COL6A6: variants seen among roughly 807,000 people sequenced by gnomAD.
COL6A6 encodes collagen alpha-6(VI) chain.
Under a neutral mutation model 208.6 loss-of-function variants are expected in COL6A6, and 183 were observed. That is an observed-to-expected ratio of 0.88 (90% CI 0.78 to 0.99). COL6A6 has a LOEUF of 0.99. Ranked by LOEUF, COL6A6 falls within the 50% of genes least tolerant of loss-of-function variation. COL6A6 has a pLI of 0.00. For synonymous variants in COL6A6, 973 were observed against 1,011.8 expected (o/e 0.96, Z 0.73); for missense variants, 2,816 against 2,815.2 (o/e 1.00, Z -0.01).
chr3:130,520,708 A>G (rs1239675462), intron 1 of COL6A6, among the ~76,000 whole-genome samples: 1 of 152,210 alleles, frequency 6.6e-6, no homozygotes, highest in Non-Finnish European at 1.5e-5. Flanking sequence ...GCAAAATCTC[A>G]GGGAAAATTC....
Position 130,627,351 on chromosome 3 carries a change from C to CCA in COL6A6, c.4974_4975insCA (p.Gly1659GlnfsTer33). ...ATGGCAGTCCAGGTTATGGTAGTGT[C>CCA]GGACGCAAGGGAGCAAAGGTAAGTC... On this transcript the variant is annotated frameshift_variant, in exon 26 of 37. Transcript: ENST00000358511. LOFTEE classifies it high-confidence loss of function. 6.2e-7 allele frequency: 1 copy of CCA among 1,613,574 alleles called. No individual in the cohort carries two copies. The highest frequency in any genetic ancestry group is 8.5e-7 in the Non-Finnish European group (1 of 1,179,602).
At chr3:130,588,713 G>A (rs1298975780) in intron 11 of COL6A6, among the ~76,000 whole-genome samples, 2 of 152,084 alleles carry the variant, frequency 1.3e-5, no homozygotes, top group Non-Finnish European at 2.9e-5. Context: ...CAAAATATTT[G>A]GGGCAGAAAT....
At chr3:130,525,412 A>G (rs768871049) in intron 1 of COL6A6, among the ~76,000 whole-genome samples, 1 of 152,252 alleles carries the variant, frequency 6.6e-6, no homozygotes, top group Non-Finnish European at 1.5e-5. Context: ...GAAGTCGCTC[A>G]GGGACTTGGA....
intron 36 of COL6A6, among the ~76,000 whole-genome samples, chr3:130,673,454 C>G (rs58964195): frequency 0.015 from 2,268 of 146,724 alleles, 81 homozygotes; most frequent in African/African-American, 0.054. Flanking sequence ...AAGGACCTAA[C>G]GGAAAAGGCG....
chr3:130,567,227 G>A lies in COL6A6; in HGVS notation c.1808G>A (p.Arg603Lys). 6.2e-7 allele frequency: 1 copy of A among 1,612,154 alleles called. No individual in the cohort carries two copies. The highest frequency in any genetic ancestry group is 1.1e-5 in the South Asian group (1 of 91,026). The change falls in exon 5 of 37, where the codon AGA becomes AAA. Residue 603 changes from arginine (R) to lysine (K), a missense_variant. Physicochemically the swap from Arg to Lys is conservative, Grantham distance 26. Coordinates refer to ENST00000358511, the MANE Select transcript of COL6A6 (RefSeq NM_001102608.3). Reference sequence around the variant, plus strand: ...GACTTTGATGCATTGAAAGACATAAGAAACCAAGTTGTTCAAGAAATCTGT... The same window carrying A: ...GACTTTGATGCATTGAAAGACATAAAAAACCAAGTTGTTCAAGAAATCTGT... The part of the protein sequence containing the change: ...VHDFDALKDI[R>K]NQVVQEICTE...
In COL6A6 at chr3:130,676,110, CTG is replaced by C. The variant is rs1190227477; in HGVS notation, c.*715_*716del. On this transcript the variant is annotated 3_prime_UTR_variant, in exon 37 of 37. Transcript: ENST00000358511. ...GCCCCCATTTTGATGGACTTCTAGT[CTG>C]TCTTTCCTGTTATGGTCATTTATTA... The C allele has an allele frequency of 1.3e-5, 2 of 152,198 alleles. No homozygotes were observed. The highest frequency in any genetic ancestry group is 4.8e-5 in the African/African-American group (2 of 41,448). The allele number at this position is 152,198 out of a possible 1,614,324, so 9.4% of individuals were successfully genotyped here.
At chr3:130,627,475 G>A (rs2064926090) in intron 26 of COL6A6, 106 bp downstream of exon 26, 2 of 896,524 alleles carry the variant, frequency 2.2e-6, no homozygotes, top group South Asian at 2.8e-5. Context: ...AGGCAATCTT[G>A]GACAGTTAGA....
intron 21 of COL6A6, among the ~76,000 whole-genome samples, chr3:130,608,015 C>T (rs2064237270): frequency 6.6e-6 from 1 of 152,182 alleles, no homozygotes; most frequent in African/African-American, 2.4e-5. Flanking sequence ...TGCATCCACA[C>T]ATGGCAGAAG....
chr3:130,643,024 G>C lies in COL6A6; in HGVS notation c.5227+1G>C, dbSNP rs373916516. On this transcript the variant is annotated splice_donor_variant, in intron 31 of 36. Transcript: ENST00000358511. LOFTEE classifies it high-confidence loss of function. ...ATTCAGTATGTGCGAGACCGCAGTC[G>C]TAAGTACCCTGCTTAAAATGATCAC... 1.2e-6 allele frequency: 2 copies of C among 1,612,912 alleles called. No individual in the cohort carries two copies. Among genetic ancestry groups the C allele is most frequent in the Non-Finnish European group, 1.7e-6 (2 of 1,179,146 alleles).
At chr3:130,650,043 A>G (rs966970747) in intron 33 of COL6A6, among the ~76,000 whole-genome samples, 2 of 152,246 alleles carry the variant, frequency 1.3e-5, no homozygotes, top group African/African-American at 2.4e-5. Context: ...AACTTCACTA[A>G]TTATAAAGGA....
In COL6A6 at chr3:130,608,973, C is replaced by T; in HGVS notation, c.4752+9C>T. 6.2e-7 allele frequency: 1 copy of T among 1,603,672 alleles called. No homozygotes were observed. ...GACTTAAGGGCCCTCAGGTACATAT[C>T]AAGACCAATCAGGGTGTGAGAACAT... On this transcript the variant is annotated intron_variant, in intron 22 of 36. Coordinates refer to ENST00000358511, the MANE Select transcript of COL6A6 (RefSeq NM_001102608.3).
In COL6A6 at chr3:130,658,759, C is replaced by T. The variant is rs1213397896; in HGVS notation, c.5817C>T (p.Cys1939=). ...CAGCATTAGAGAGACTCCAGCGGTG[C>T]ACTTTCTGCTATGGTAAGACCCACA... The part of the protein sequence containing the change: ...YIPALERLQR[C]TFCYDVCKPD... The change falls in exon 34 of 37, where the codon TGC becomes TGT. Residue 1939 remains cysteine, a synonymous_variant. Coordinates refer to ENST00000358511, the MANE Select transcript of COL6A6 (RefSeq NM_001102608.3). 3 of 1,610,918 alleles carry T rather than the reference C, an allele frequency of 1.9e-6. No individual in the cohort carries two copies. The highest frequency in any genetic ancestry group is 2.5e-6 in the Non-Finnish European group (3 of 1,178,120).
At chr3:130,538,846 A>G (rs927601984) in intron 1 of COL6A6, among the ~76,000 whole-genome samples, 1 of 152,196 alleles carries the variant, frequency 6.6e-6, no homozygotes, top group African/African-American at 2.4e-5. Flanking sequence ...TTTCTCTCCT[A>G]TCTCTACTAT....
intron 36 of COL6A6, among the ~76,000 whole-genome samples, chr3:130,670,156 C>T (rs2066175806): frequency 6.6e-6 from 1 of 152,224 alleles, no homozygotes; most frequent in African/African-American, 2.4e-5. Flanking sequence ...AAGCCTAAAA[C>T]AGGCCTGTGA....
intron 12 of COL6A6, 131 bp downstream of exon 12, chr3:130,589,313 CT>C: frequency 1.7e-6 from 1 of 573,012 alleles, no homozygotes; most frequent in South Asian, 2.6e-5. Flanking sequence ...TTATACTCCT[CT>C]TTTTATATGT....
chr3:130,559,544 G>A (rs758608926), intron 1 of COL6A6, among the ~76,000 whole-genome samples: 19 of 152,198 alleles, frequency 1.2e-4, no homozygotes, highest in Admixed American at 2.6e-4. Flanking sequence ...AGGACATGGA[G>A]ACACTGGTTT....
chr3:130,538,349 A>G (rs1225646410), intron 1 of COL6A6, among the ~76,000 whole-genome samples: 1 of 152,246 alleles, frequency 6.6e-6, no homozygotes, highest in Admixed American at 6.5e-5. Flanking sequence ...TGAAAATGTG[A>G]TAAGGAAAGA....
intron 19 of COL6A6, 123 bp downstream of exon 19, chr3:130,598,553 C>T (rs1347749267): frequency 3.4e-5 from 23 of 679,882 alleles, no homozygotes; most frequent in Non-Finnish European, 5.4e-5. Flanking sequence ...TACAGAAAAA[C>T]CATTATTAGG....
At chr3:130,627,207 T>G in intron 25 of COL6A6, 112 bp from the exon 26 acceptor site, 1 of 913,776 alleles carries the variant, frequency 1.1e-6, no homozygotes, top group Non-Finnish European at 1.8e-6. Context: ...GAGGATCCTG[T>G]GTCCTGCTTT....
Sources: allele counts gnomAD v4.1 joint callset (sites outside exome capture counted in the v4.1 genomes callset), GRCh38; gene constraint gnomAD v4.1.1; transcripts MANE v1.5; gene names NCBI Gene and HGNC (gene_info 2026-07-23, HGNC 2026-07-21).